SMIM35: variants seen among roughly 807,000 people sequenced by gnomAD.
SMIM35 encodes the protein small integral membrane protein 35, also known as TMPRSS4 antisense RNA 1 (non-protein coding).
At chr11:118,045,448 G>A (rs761965317) in intron 1 of SMIM35, among the ~76,000 whole-genome samples, 74 of 152,038 alleles carry the variant, frequency 4.9e-4, no homozygotes, top group Admixed American at 9.8e-4. Flanking sequence ...TGATGATAGG[G>A]TTTATGAAGA....
At chr11:118,044,690 C>T (rs1389594907) in intron 1 of SMIM35, among the ~76,000 whole-genome samples, 1 of 146,560 alleles carries the variant, frequency 6.8e-6, no homozygotes, top group Non-Finnish European at 1.5e-5. Context: ...AGGAGAGTTG[C>T]TTGAACCCAT....
chr11:118,069,403 C>T (rs978753108), intron 1 of SMIM35, among the ~76,000 whole-genome samples: 11 of 152,162 alleles, frequency 7.2e-5, no homozygotes, highest in African/African-American at 1.9e-4. Flanking sequence ...CTCCCTGCCT[C>T]GCCCCCACAC....
At chr11:118,025,756 G>A in intron 1 of SMIM35, 1 of 452,950 alleles carries the variant, frequency 2.2e-6, no homozygotes, top group South Asian at 1.6e-5. Context: ...TGTTTGTTCT[G>A]TTGATAGTTT....
chr11:118,067,205 A>T (rs1565397256), intron 1 of SMIM35: 2 of 152,276 alleles, frequency 1.3e-5, no homozygotes, highest in Non-Finnish European at 2.9e-5. Context: ...TGCAGACACG[A>T]GGCCAACCTG....
chr11:118,013,341 G>A (rs1028233409), intron 4 of SMIM35, among the ~76,000 whole-genome samples: 8 of 152,188 alleles, frequency 5.3e-5, no homozygotes, highest in South Asian at 2.1e-4. Flanking sequence ...CAGAGTTGGC[G>A]GGCCATGAAG....
intron 1 of SMIM35, among the ~76,000 whole-genome samples, chr11:118,034,966 T>A (rs2058348285): frequency 6.6e-6 from 1 of 151,226 alleles, no homozygotes; most frequent in South Asian, 2.1e-4. Flanking sequence ...ATTTTTTTTT[T>A]TTTTTGACAG....
chr11:118,016,521 C>G (rs1025811278), intron 1 of SMIM35, among the ~76,000 whole-genome samples: 2 of 152,002 alleles, frequency 1.3e-5, no homozygotes, highest in Admixed American at 6.5e-5. Context: ...CACTCCTGCC[C>G]GATGAGGTAC....
At chr11:118,026,167 C>CT (rs2058272407) in intron 1 of SMIM35, among the ~76,000 whole-genome samples, 1 of 152,186 alleles carries the variant, frequency 6.6e-6, no homozygotes, top group African/African-American at 2.4e-5. Flanking sequence ...CTCCTTGTAT[C>CT]AGTACCATGC....
At chr11:118,058,252 C>G (rs998141084) in intron 1 of SMIM35, among the ~76,000 whole-genome samples, 4 of 152,176 alleles carry the variant, frequency 2.6e-5, no homozygotes, top group Non-Finnish European at 5.9e-5. Flanking sequence ...ACACACCTCT[C>G]AGGACTTCCC....
chr11:118,025,865 C>T (rs964906766), intron 1 of SMIM35: 2 of 432,828 alleles, frequency 4.6e-6, no homozygotes, highest in African/African-American at 2.1e-5. Flanking sequence ...AAATTCTTTG[C>T]CAAGGCCAAT....
At chr11:118,041,484 A>T (rs926305127) in intron 1 of SMIM35, among the ~76,000 whole-genome samples, 11 of 152,248 alleles carry the variant, frequency 7.2e-5, no homozygotes, top group Non-Finnish European at 1.3e-4. Flanking sequence ...TAAAATTAGA[A>T]ATCAATAGCA....
intron 1 of SMIM35, among the ~76,000 whole-genome samples, chr11:118,033,811 GTGTT>G (rs1451681019): frequency 6.6e-6 from 1 of 152,198 alleles, no homozygotes; most frequent in Non-Finnish European, 1.5e-5. Flanking sequence ...CAAAAGTTAA[GTGTT>G]TGGGTGCTTG....
chr11:118,015,161 A>G (rs1385195479), intron 2 of SMIM35, among the ~76,000 whole-genome samples: 1 of 152,246 alleles, frequency 6.6e-6, no homozygotes, highest in African/African-American at 2.4e-5. Flanking sequence ...TTAAGTGCAG[A>G]TCTAGGAAAT....
Position 118,042,067 on chromosome 11 carries a change from A to AG in SMIM35, c.8-26259_8-26258insC, listed in dbSNP as rs1199840978. ...CTCTGTCACAAATGAAAAAAAAAAAAAAGAGAGAGAGAGAAAGAAAGACAA... is the reference window on the plus strand; with the variant it reads ...CTCTGTCACAAATGAAAAAAAAAAAAGAAGAGAGAGAGAGAAAGAAAGACAA... On this transcript the variant is annotated intron_variant, in intron 1 of 4. Transcript: ENST00000689828. 9.1e-3 allele frequency among the ~76,000 whole-genome samples: 213 copies of AG among 23,326 alleles called. 2 individuals are homozygous for AG. Among genetic ancestry groups the AG allele is most frequent in the East Asian group, 0.035 (17 of 490 alleles). The allele number at this position is 23,326 out of a possible 152,430, so 15.3% of individuals were successfully genotyped here.
In SMIM35 at chr11:118,083,311, C is replaced by T. The variant is rs190999325; in HGVS notation, c.7+3440G>A. ...CACACTTGAAGCTTTCATGCTTCCACTGGTCCTTGCTTCTCTGAACTGCGT... is the reference window on the plus strand; with the variant it reads ...CACACTTGAAGCTTTCATGCTTCCATTGGTCCTTGCTTCTCTGAACTGCGT... On this transcript the variant is annotated intron_variant, in intron 1 of 4. Coordinates refer to ENST00000689828, the MANE Select transcript of SMIM35 (RefSeq NM_001394165.1). 7.7e-3 allele frequency among the ~76,000 whole-genome samples: 1,167 copies of T among 152,352 alleles called. 19 individuals are homozygous for T. The highest frequency in any genetic ancestry group is 7.8e-3 in the Non-Finnish European group (533 of 68,040).
chr11:118,033,740 A>G (rs559137647), intron 1 of SMIM35, among the ~76,000 whole-genome samples: 16 of 152,336 alleles, frequency 1.1e-4, no homozygotes, highest in Admixed American at 3.3e-4. Flanking sequence ...TGAAATTTCA[A>G]AAGACCATCA....
intron 1 of SMIM35, among the ~76,000 whole-genome samples, chr11:118,026,788 T>G (rs10458984): frequency 0.057 from 8,670 of 152,036 alleles, 538 homozygotes; most frequent in East Asian, 0.35. Flanking sequence ...AGCAACACAG[T>G]GAGACCCTGT....
At position 118,049,505 on chromosome 11, in the gene SMIM35, C is replaced by T. The variant is rs562309977; in HGVS notation, c.8-33696G>A. On this transcript the variant is annotated intron_variant, in intron 1 of 4. Coordinates refer to ENST00000689828, the MANE Select transcript of SMIM35 (RefSeq NM_001394165.1). ...CTGGGATTACAGGCACACACCACCA[C>T]GCCCGGCTAATTTTTGTATTTTTAG... 4.4e-4 allele frequency among the ~76,000 whole-genome samples: 67 copies of T among 151,720 alleles called. 1 individual carries two copies. The highest frequency in any genetic ancestry group is 1.6e-3 in the African/African-American group (66 of 41,388).
intron 1 of SMIM35, chr11:118,029,580 C>T: frequency 4.4e-6 from 2 of 453,240 alleles, no homozygotes; most frequent in Admixed American, 4.7e-5. Context: ...AGGGGACTTA[C>T]CCCCTGTCTG....
Sources: gnomAD v4.1 joint callset for allele counts (sites outside exome capture counted in the v4.1 genomes callset) on GRCh38, gnomAD v4.1.1 for gene constraint, MANE v1.5 for transcripts, NCBI Gene and HGNC (gene_info 2026-07-23, HGNC 2026-07-21) for gene names.